Variants in ZDHHC17 observed in about 807,000 individuals in gnomAD.
ZDHHC17 encodes palmitoyltransferase ZDHHC17.
Under a neutral mutation model 90.3 loss-of-function variants are expected in ZDHHC17, and 40 were observed. The observed-to-expected ratio is 0.44, with a 90% CI of 0.34 to 0.58. The LOEUF (loss-of-function observed/expected upper bound fraction) is 0.58. Ranked by LOEUF, ZDHHC17 falls within the 20% of genes least tolerant of loss-of-function variation. The pLI is 0.01. For missense variants in ZDHHC17, 614 were observed against 780.8 expected, an observed-to-expected ratio of 0.79 and a Z score of 2.55; for synonymous variants, 235 against 252.4, an observed-to-expected ratio of 0.93 and a Z score of 0.65.
At chr12:76,792,506 T>C (rs765781194) in intron 1 of ZDHHC17, among the ~76,000 whole-genome samples, 16 of 152,146 alleles carry the variant, frequency 1.1e-4, no homozygotes, top group Non-Finnish European at 2.4e-4. Context: ...GTCATGTTGA[T>C]TTCTCTTTGC....
At chr12:76,780,657 A>G (rs775134405) in intron 1 of ZDHHC17, among the ~76,000 whole-genome samples, 1 of 152,196 alleles carries the variant, frequency 6.6e-6, no homozygotes, top group Admixed American at 6.5e-5. Context: ...TTTCCAAGTA[A>G]TGTGACCTCT....
intron 10 of ZDHHC17, among the ~76,000 whole-genome samples, chr12:76,834,126 A>G (rs1170624267): frequency 1.3e-5 from 2 of 152,196 alleles, no homozygotes; most frequent in Non-Finnish European, 2.9e-5. Context: ...GGAAGTGAAT[A>G]TGTATCATTT....
At chr12:76,829,064 TA>T (rs1248921402) in intron 10 of ZDHHC17, among the ~76,000 whole-genome samples, 7 of 152,016 alleles carry the variant, frequency 4.6e-5, no homozygotes, top group Non-Finnish European at 8.8e-5. Context: ...CAAAAAGCAA[TA>T]AGATGTCGAG....
chr12:76,848,327 G>A lies in ZDHHC17; in HGVS notation c.1602G>A (p.Met534Ile), dbSNP rs929743151. The change falls in exon 15 of 17, where the codon ATG becomes ATA. Residue 534 changes from methionine (M) to isoleucine (I), a missense_variant. Transcript: ENST00000426126. The stretch of plus-strand genomic sequence containing the variant: ...CGTGTTCACCTTGGATGTTTTGGAT[G>A]TTCCTGAACAGTGTTTTCCACTTCA... ...IATCSPWMFW[M>I]FLNSVFHFMW... The A allele has an allele frequency of 2.5e-6, 4 of 1,613,930 alleles. No homozygotes were observed. Among genetic ancestry groups the A allele is most frequent in the Non-Finnish European group, 3.4e-6 (4 of 1,179,856 alleles).
Position 76,764,889 on chromosome 12 carries a change from A to C in ZDHHC17, c.93+560A>C, listed in dbSNP as rs900382768. ...AGCATTTGTCCTTAAGCGATTAAGA[A>C]GAGAGGTAAAAACTTTTGGGAATAG... On this transcript the variant is annotated intron_variant, in intron 1 of 16. Coordinates refer to ENST00000426126, the MANE Select transcript of ZDHHC17 (RefSeq NM_015336.4). 3.5e-4 allele frequency: 158 copies of C among 451,138 alleles called. 2 individuals are homozygous for C. Among genetic ancestry groups the C allele is most frequent in the South Asian group, 1.4e-3 (88 of 64,528 alleles). 27.9% of individuals were successfully genotyped at this position (451,138 alleles called of 1,614,324 possible). A position where few individuals can be genotyped will look rare whatever the true frequency, so the allele number is the denominator to read the frequency against.
chr12:76,802,617 G>A (rs1038230069), intron 2 of ZDHHC17, among the ~76,000 whole-genome samples: 3 of 151,796 alleles, frequency 2.0e-5, no homozygotes, highest in Non-Finnish European at 4.4e-5. Flanking sequence ...ACTTTCCTTC[G>A]GTCTTTTTTC....
At chr12:76,829,482 AAAG>A in intron 10 of ZDHHC17, among the ~76,000 whole-genome samples, 4 of 141,722 alleles carry the variant, frequency 2.8e-5, no homozygotes, top group African/African-American at 7.7e-5. Context: ...AAAAAAAAAA[AAAG>A]AACTACCATT....
intron 1 of ZDHHC17, among the ~76,000 whole-genome samples, chr12:76,767,096 T>C (rs1266017891): frequency 6.6e-6 from 1 of 151,938 alleles, no homozygotes; most frequent in African/African-American, 2.4e-5. Flanking sequence ...TAAGTGAGGC[T>C]ATATGTTGAG....
intron 10 of ZDHHC17, among the ~76,000 whole-genome samples, chr12:76,841,308 T>C (rs935189632): frequency 1.3e-5 from 2 of 152,236 alleles, no homozygotes; most frequent in Non-Finnish European, 2.9e-5. Context: ...GTATAATACT[T>C]GTATCTACAT....
rs1953565649 is a variant in ZDHHC17, at chr12:76,851,366, G to T, written c.*381G>T. 4.4e-6 allele frequency: 1 copy of T among 225,260 alleles called. No individual in the cohort carries two copies. Among genetic ancestry groups the T allele is most frequent in the Admixed American group, 5.9e-5 (1 of 16,828 alleles). The allele number at this position is 225,260 out of a possible 1,614,324, so 14.0% of individuals were successfully genotyped here. Reference sequence around the variant, plus strand: ...ACTAAAACTAAATTTATGTTATTTGGCTAAATGTTATGATGCAGTCTAGTA... The same window carrying T: ...ACTAAAACTAAATTTATGTTATTTGTCTAAATGTTATGATGCAGTCTAGTA... On this transcript the variant is annotated 3_prime_UTR_variant, in exon 17 of 17. Coordinates refer to ENST00000426126, the MANE Select transcript of ZDHHC17 (RefSeq NM_015336.4).
At chr12:76,843,152 T>C (rs531397919) in intron 12 of ZDHHC17, among the ~76,000 whole-genome samples, 171 bp downstream of exon 12, 132 of 152,276 alleles carry the variant, frequency 8.7e-4, no homozygotes, top group Non-Finnish European at 1.5e-3. Flanking sequence ...AAGGCGCTTA[T>C]TCCTCGATGG....
chr12:76,821,025 A>G, intron 7 of ZDHHC17: 1 of 1,245,474 alleles, frequency 8.0e-7, no homozygotes, highest in Non-Finnish European at 1.1e-6. Flanking sequence ...TAGTTGAAAG[A>G]TATTTTAAAG....
At chr12:76,799,146 A>T (rs1438076788) in intron 2 of ZDHHC17, among the ~76,000 whole-genome samples, 1 of 152,122 alleles carries the variant, frequency 6.6e-6, no homozygotes, top group African/African-American at 2.4e-5. Context: ...CAAAAAAAAC[A>T]AGCAAAAAAA....
intron 10 of ZDHHC17, among the ~76,000 whole-genome samples, chr12:76,836,497 A>T (rs1953365024): frequency 6.6e-6 from 1 of 152,054 alleles, no homozygotes; most frequent in South Asian, 2.1e-4. Context: ...TTTCAAAGAA[A>T]CAACTTTAGG....
intron 1 of ZDHHC17, among the ~76,000 whole-genome samples, chr12:76,781,346 A>G (rs1952623753): frequency 6.6e-6 from 1 of 152,210 alleles, no homozygotes; most frequent in Non-Finnish European, 1.5e-5. Flanking sequence ...TGTAGTAGCA[A>G]AAAGTGTTAA....
At chr12:76,778,735 A>G (rs1230160935) in intron 1 of ZDHHC17, among the ~76,000 whole-genome samples, 1 of 152,216 alleles carries the variant, frequency 6.6e-6, no homozygotes, top group East Asian at 1.9e-4. Context: ...TTTCATGTGC[A>G]TATTTGCCAT....
intron 1 of ZDHHC17, among the ~76,000 whole-genome samples, chr12:76,785,927 T>C (rs1952679042): frequency 6.6e-6 from 1 of 152,136 alleles, no homozygotes; most frequent in Non-Finnish European, 1.5e-5. Context: ...TACCCTTATA[T>C]GTATGATTTT....
At position 76,814,365 on chromosome 12, in the gene ZDHHC17, GTATTTATGCA is replaced by G. The variant is rs530284291; in HGVS notation, c.544-773_544-764del. Among the ~76,000 whole-genome samples the G allele has an allele frequency of 2.3e-3, 350 of 151,950 alleles. 3 individuals carry two copies. Among genetic ancestry groups the G allele is most frequent in the African/African-American group, 7.9e-3 (326 of 41,490 alleles). ...TTATTACATGGTTTGGCTGGGAATA[GTATTTATGCA>G]TATTTATAATAATACATATCAAGTA... On this transcript the variant is annotated intron_variant, in intron 5 of 16. Coordinates refer to ENST00000426126, the MANE Select transcript of ZDHHC17 (RefSeq NM_015336.4).
At chr12:76,813,795 CATT>C (rs1039355473) in intron 5 of ZDHHC17, among the ~76,000 whole-genome samples, 3 of 152,044 alleles carry the variant, frequency 2.0e-5, no homozygotes, top group African/African-American at 7.2e-5. Flanking sequence ...GCTTTGCACA[CATT>C]ATTTAATCTT....
Sources: gnomAD v4.1 joint callset for allele counts (sites outside exome capture counted in the v4.1 genomes callset) on GRCh38, gnomAD v4.1.1 for gene constraint, MANE v1.5 for transcripts, NCBI Gene and HGNC (gene_info 2026-07-23, HGNC 2026-07-21) for gene names.